Variants in NELFA observed in about 807,000 individuals in gnomAD.
NELFA encodes the protein negative elongation factor A.
Under a neutral mutation model 51.8 loss-of-function variants are expected in NELFA, and 35 were observed. The ratio of observed to expected loss-of-function variants is 0.68; its 90% CI spans 0.52 to 0.90. The LOEUF (loss-of-function observed/expected upper bound fraction) is 0.90, where lower values mean the gene tolerates loss of function less well. Among genes scored for constraint, NELFA ranks in the 40% least tolerant of loss-of-function variants. NELFA has a pLI of 0.00. For missense variants in NELFA, 658 were observed against 746.4 expected (o/e 0.88, Z 1.38); for synonymous variants, 417 against 338.4 (o/e 1.23, Z -2.55).
chr4:1,992,746 C>G (rs954636116), intron 1 of NELFA: 1 of 186,614 alleles, frequency 5.4e-6, no homozygotes, highest in African/African-American at 2.4e-5. Flanking sequence ...GCTTCCCTCA[C>G]TGTCCTCATG....
At position 1,985,602 on chromosome 4, in the gene NELFA, G is replaced by C. The variant is rs147628855; in HGVS notation, c.924+174C>G. Among the ~76,000 whole-genome samples the C allele has an allele frequency of 1.1e-3, 172 of 152,330 alleles. 1 individual carries two copies. Among genetic ancestry groups the C allele is most frequent in the African/African-American group, 3.9e-3 (162 of 41,574 alleles). ...AAGCCTGAGTCAGATGCCCATGTCA[G>C]GGCACGGCCCACACTGCCTCTCATG... On this transcript the variant is annotated intron_variant, in intron 7 of 10. Coordinates refer to ENST00000382882, the MANE Select transcript of NELFA (RefSeq NM_005663.5).
chr4:2,008,462 C>T (rs1410017723), intron 1 of NELFA, among the ~76,000 whole-genome samples: 2 of 142,106 alleles, frequency 1.4e-5, no homozygotes, highest in African/African-American at 5.3e-5. Flanking sequence ...TGGGGGATTC[C>T]CAGGGGGCGA....
rs2234574 is a variant in NELFA at position 1,983,941 on chromosome 4, G to A, written c.1209C>T (p.Val403=). 5.3e-3 allele frequency: 8,509 copies of A among 1,610,990 alleles called. 189 individuals are homozygous for A. In the African/African-American group the frequency reaches 0.068, roughly 13 times the overall value. ...CCGGGGGTGTCTGAGTGGTAGGGGC[G>A]ACAGCCGGAGGTGTGGTGGGTGTCA... ...SPLTPTTPPA[V]APTTQTPPVA... Residue 403 remains valine, a synonymous_variant, in exon 9 of 11, where the codon GTC becomes GTT. Transcript: ENST00000382882.
rs550050495 is a variant in NELFA, at chr4:1,987,792, G to C, written c.634+126C>G. On this transcript the variant is annotated intron_variant, in intron 4 of 10. Transcript: ENST00000382882. ...CCCCAGTGCCTTCGCTTTCCCACGG[G>C]CTCCCAACACTGCTGCCTGAAGACC... The C allele has an allele frequency of 6.3e-5, 50 of 794,084 alleles. 2 individuals carry two copies. In the South Asian group the frequency reaches 9.2e-4, roughly 15 times the overall value. 49.2% of individuals were successfully genotyped at this position (794,084 alleles called of 1,614,324 possible). A position where few individuals can be genotyped will look rare whatever the true frequency, so the allele number is the denominator to read the frequency against.
intron 1 of NELFA, among the ~76,000 whole-genome samples, chr4:2,001,798 G>A (rs1264641418): frequency 6.6e-6 from 1 of 152,184 alleles, no homozygotes; most frequent in Non-Finnish European, 1.5e-5. Flanking sequence ...AGCTACTCGG[G>A]AGGCTGAGGC....
intron 2 of NELFA, among the ~76,000 whole-genome samples, chr4:1,990,720 A>G (rs1728247048): frequency 6.6e-6 from 1 of 152,216 alleles, no homozygotes; most frequent in African/African-American, 2.4e-5. Flanking sequence ...GCCAGTTCCA[A>G]TTGTCCAAAG....
At chr4:2,008,074 A>G (rs1288273453) in intron 1 of NELFA, 3 of 456,470 alleles carry the variant, frequency 6.6e-6, no homozygotes, top group Non-Finnish European at 1.3e-5. Context: ...AAGAAAATCC[A>G]GTCAGCGGAC....
intron 1 of NELFA, among the ~76,000 whole-genome samples, chr4:2,006,081 G>A (rs888903722): frequency 2.6e-5 from 4 of 152,170 alleles, no homozygotes; most frequent in Middle Eastern, 3.2e-3. Context: ...TGCTCCGTCC[G>A]CTAACAAGGC....
At chr4:1,991,469 T>A in intron 2 of NELFA, 75 bp downstream of exon 2, 1 of 1,518,892 alleles carries the variant, frequency 6.6e-7, no homozygotes, top group South Asian at 1.2e-5. Flanking sequence ...AAAAATCAAA[T>A]TCATTTCAGA....
At chr4:1,992,050 C>G (rs1477822418) in intron 1 of NELFA, 2 of 248,934 alleles carry the variant, frequency 8.0e-6, no homozygotes, top group East Asian at 1.2e-4. Flanking sequence ...GCCGGGGCCA[C>G]CACTGCTCCC....
In NELFA at chr4:1,989,488, C is replaced by T. The variant is rs1243571449; in HGVS notation, c.544+220G>A. 4.6e-5 allele frequency among the ~76,000 whole-genome samples: 7 copies of T among 151,936 alleles called. No homozygotes were observed. The highest frequency in any genetic ancestry group is 3.9e-4 in the East Asian group (2 of 5,144). On this transcript the variant is annotated intron_variant, in intron 3 of 10. Transcript: ENST00000382882. The surrounding 1 kb of genome is among the most constrained non-coding windows in gnomAD (Gnocchi z 4.8). Reference sequence around the variant, plus strand: ...GAGCACAGGCACGCACCACCATGCCCGGCTAATGTTTTGGTACTTTTGGTA... The same window carrying T: ...GAGCACAGGCACGCACCACCATGCCTGGCTAATGTTTTGGTACTTTTGGTA...
chr4:1,991,877 C>T, intron 1 of NELFA, 162 bp from the exon 2 acceptor site: 3 of 684,090 alleles, frequency 4.4e-6, no homozygotes, highest in Non-Finnish European at 7.1e-6. Flanking sequence ...CCCCGCCTCA[C>T]CCCAGGGCCA....
intron 1 of NELFA, among the ~76,000 whole-genome samples, chr4:2,007,609 C>G (rs1728741984): frequency 6.6e-6 from 1 of 152,042 alleles, no homozygotes; most frequent in East Asian, 1.9e-4. Flanking sequence ...TTGCTCACAC[C>G]GGGGAGATGG....
chr4:2,005,735 G>T (rs1450361569), intron 1 of NELFA, among the ~76,000 whole-genome samples: 1 of 151,918 alleles, frequency 6.6e-6, no homozygotes, highest in Non-Finnish European at 1.5e-5. Flanking sequence ...AAAAATCAAC[G>T]CATTTCTATA....
intron 1 of NELFA, 43 bp from the exon 2 acceptor site, chr4:1,991,758 C>A: frequency 6.5e-7 from 1 of 1,540,178 alleles, no homozygotes. Context: ...CCCCTGCCCA[C>A]TTCCAAGCCC....
intron 4 of NELFA, chr4:1,987,710 C>A (rs1444152627): frequency 1.8e-6 from 1 of 567,294 alleles, no homozygotes; most frequent in Non-Finnish European, 3.1e-6. Context: ...GCCCTCCTGT[C>A]TCCGTGCCCA....
At chr4:1,986,531 G>A (rs1728105782) in intron 4 of NELFA, 129 bp from the exon 5 acceptor site, 4 of 1,442,648 alleles carry the variant, frequency 2.8e-6, no homozygotes, top group Admixed American at 2.1e-5. Context: ...CTGGCGGGCA[G>A]CGGGCAGGAC....
At chr4:1,988,969 T>C (rs1316186515) in intron 3 of NELFA, among the ~76,000 whole-genome samples, 3 of 141,764 alleles carry the variant, frequency 2.1e-5, no homozygotes, top group Middle Eastern at 3.6e-3. Context: ...TTTTGAGATG[T>C]TGTTTCGCTC....
chr4:1,983,689 GCTCT>G lies in NELFA; in HGVS notation c.1305_1308del (p.Arg435SerfsTer42). ...AACATCTCCTGGGCAGCGAACATCT[GCTCT>G]CTCTACAGCGGGGAGAGGGGTGTGG... On this transcript the variant is annotated frameshift_variant and splice_region_variant, in exon 10 of 11. Transcript: ENST00000382882. LOFTEE classifies it high-confidence loss of function. The G allele has an allele frequency of 6.2e-7, 1 of 1,613,956 alleles. No homozygotes were observed. The highest frequency in any genetic ancestry group is 8.5e-7 in the Non-Finnish European group (1 of 1,179,954).
Sources: allele counts gnomAD v4.1 joint callset (sites outside exome capture counted in the v4.1 genomes callset), GRCh38; gene constraint gnomAD v4.1.1; non-coding constraint Gnocchi (gnomAD v3.1); transcripts MANE v1.5; gene names NCBI Gene and HGNC (gene_info 2026-07-23, HGNC 2026-07-21).